Variants in RAB11FIP2 observed in about 807,000 individuals in gnomAD.
RAB11FIP2 encodes RAB11 family interacting protein 2.
RAB11FIP2 carries 16 observed loss-of-function variants against 40.9 expected under a neutral mutation model. The ratio of observed to expected loss-of-function variants is 0.39; its 90% CI spans 0.26 to 0.59. RAB11FIP2 has a LOEUF of 0.59. Among genes scored for constraint, RAB11FIP2 ranks in the 20% least tolerant of loss-of-function variants. The pLI, the probability that RAB11FIP2 is intolerant of heterozygous loss-of-function variation, is 0.53. For synonymous variants in RAB11FIP2, 228 were observed against 213.7 expected, an observed-to-expected ratio of 1.07 and a Z score of -0.58; for missense variants, 532 against 606.2, an observed-to-expected ratio of 0.88 and a Z score of 1.28.
At chr10:118,024,470 C>CGTGTGTGTGTGT (rs55723398) in intron 3 of RAB11FIP2, among the ~76,000 whole-genome samples, 2,454 of 131,746 alleles carry the variant, frequency 0.019, 57 homozygotes, top group South Asian at 0.029. Context: ...TCATCATCAT[C>CGTGTGTGTGTGT]GTGTGTGTGT....
At chr10:118,021,879 G>A (rs546932568) in intron 3 of RAB11FIP2, among the ~76,000 whole-genome samples, 7 of 152,206 alleles carry the variant, frequency 4.6e-5, no homozygotes, top group East Asian at 1.9e-4. Context: ...GGCCTTTTCC[G>A]CTCTACCTCG....
intron 1 of RAB11FIP2, chr10:118,045,577 A>G (rs1589650368): frequency 2.2e-6 from 1 of 459,834 alleles, no homozygotes; most frequent in East Asian, 3.8e-5. Context: ...AAAATATTCA[A>G]TTATTTGACA....
intron 4 of RAB11FIP2, among the ~76,000 whole-genome samples, chr10:118,009,439 C>G (rs2133159856): frequency 6.6e-6 from 1 of 152,210 alleles, no homozygotes; most frequent in Admixed American, 6.5e-5. Flanking sequence ...ACTCTAAATC[C>G]TAAAACCCTT....
Position 118,040,254 on chromosome 10 carries a change from A to G in RAB11FIP2, c.665T>C (p.Leu222Pro). 1 of 1,613,872 alleles carries G rather than the reference A, an allele frequency of 6.2e-7. No individual in the cohort carries two copies. The highest frequency in any genetic ancestry group is 8.5e-7 in the Non-Finnish European group (1 of 1,179,816). ...ATCAGACATTGAATGCGCTGACGAG[A>G]GTCGCTGAGGACCCAAGAGAAAAGG... ...KKPFLLGPQR[L>P]SSAHSMSDLS... is the part of the protein sequence containing the mutation. Residue 222 changes from leucine to proline, a missense_variant, in exon 2 of 5, where the codon CTC becomes CCC. Transcript: ENST00000355624.
Position 118,040,556 on chromosome 10 carries a change from T to A in RAB11FIP2, c.363A>T (p.Arg121Ser). ...DKQRRKTEWFRLESKQGKRIK... is the reference protein window; with the variant it reads ...DKQRRKTEWFSLESKQGKRIK... ...TTCGTTTTCCTTGTTTGGATTCTAATCTAAACCACCTTAAAGAGAAGAAAA... is the reference window on the plus strand; with the variant it reads ...TTCGTTTTCCTTGTTTGGATTCTAAACTAAACCACCTTAAAGAGAAGAAAA... The change falls in exon 2 of 5, where the codon AGA (arginine) becomes AGT (serine). Residue 121 changes from arginine to serine, a missense_variant. By Grantham distance (110) the Arg-to-Ser change is moderately radical. Coordinates refer to ENST00000355624, the MANE Select transcript of RAB11FIP2 (RefSeq NM_014904.3). The A allele has an allele frequency of 6.2e-7, 1 of 1,601,894 alleles. No individual in the cohort carries two copies. The highest frequency in any genetic ancestry group is 1.1e-5 in the South Asian group (1 of 89,126).
chr10:118,033,863 T>C, intron 3 of RAB11FIP2: 3 of 658,500 alleles, frequency 4.6e-6, no homozygotes, highest in South Asian at 1.6e-5. Context: ...AATAAATATA[T>C]ATATAAATCT....
chr10:118,040,683 T>C, intron 1 of RAB11FIP2, 118 bp from the exon 2 acceptor site: 1 of 682,028 alleles, frequency 1.5e-6, no homozygotes, highest in South Asian at 2.2e-5. Context: ...ACCTAAGCTC[T>C]GAATAAGAAT....
chr10:118,012,766 T>G (rs1266279953), intron 4 of RAB11FIP2, among the ~76,000 whole-genome samples: 1 of 151,962 alleles, frequency 6.6e-6, no homozygotes, highest in Non-Finnish European at 1.5e-5. Context: ...TACTCCAAAG[T>G]GCTCAATATT....
chr10:118,027,637 A>G (rs1475073849), intron 3 of RAB11FIP2, among the ~76,000 whole-genome samples: 1 of 152,156 alleles, frequency 6.6e-6, no homozygotes, highest in Non-Finnish European at 1.5e-5. Context: ...GCTCCTTGGT[A>G]GCCTAAAGCA....
chr10:118,024,066 G>T (rs759157093), intron 3 of RAB11FIP2, among the ~76,000 whole-genome samples: 2 of 150,774 alleles, frequency 1.3e-5, no homozygotes, highest in African/African-American at 4.9e-5. Flanking sequence ...CTCCAGCCTG[G>T]GCAACAGAGT....
chr10:118,045,269 C>G (rs1299271167), intron 1 of RAB11FIP2: 1 of 150,094 alleles, frequency 6.7e-6, no homozygotes, highest in South Asian at 2.1e-4. Context: ...TTTTTTTTTT[C>G]TAACAGGTAT....
At position 118,046,329 on chromosome 10, in the gene RAB11FIP2, A is replaced by G; in HGVS notation, c.-166T>C. 6.2e-6 allele frequency: 4 copies of G among 640,726 alleles called. No individual in the cohort carries two copies. Among genetic ancestry groups the G allele is most frequent in the Non-Finnish European group, 8.1e-6 (3 of 372,568 alleles). 39.7% of individuals were successfully genotyped at this position (640,726 alleles called of 1,614,324 possible). ...TGATGTCAAAACGCCTCGCGGGGGC[A>G]GCCCAGGGGCACGGCCGCTCCGGGG... is the stretch of plus-strand genomic sequence containing the variant. On this transcript the variant is annotated 5_prime_UTR_variant, in exon 1 of 5. Transcript: ENST00000355624.
chr10:118,037,429 G>A (rs1184204828), intron 3 of RAB11FIP2, among the ~76,000 whole-genome samples: 1 of 152,052 alleles, frequency 6.6e-6, no homozygotes, highest in East Asian at 1.9e-4. Flanking sequence ...AGAGGTGAGA[G>A]GGCACAGCCT....
intron 1 of RAB11FIP2, among the ~76,000 whole-genome samples, chr10:118,042,416 G>C (rs1846572153): frequency 6.6e-6 from 1 of 152,096 alleles, no homozygotes; most frequent in Admixed American, 6.6e-5. Context: ...CCCAATGTCA[G>C]ATTAAAGTCA....
intron 3 of RAB11FIP2, among the ~76,000 whole-genome samples, chr10:118,031,472 C>T (rs1391029321): frequency 2.6e-5 from 4 of 152,052 alleles, no homozygotes; most frequent in African/African-American, 9.7e-5. Flanking sequence ...TTTAAATATA[C>T]ATTCCAGGTA....
Position 118,040,520 on chromosome 10 carries a change from CCT to C in RAB11FIP2, c.397_398del (p.Arg133GlyfsTer2), listed in dbSNP as rs1226330759. 9.3e-6 allele frequency: 15 copies of C among 1,610,674 alleles called. No individual in the cohort carries two copies. Among genetic ancestry groups the C allele is most frequent in the Admixed American group, 1.7e-5 (1 of 59,404 alleles). On this transcript the variant is annotated frameshift_variant, in exon 2 of 5. Transcript: ENST00000355624. LOFTEE classifies it high-confidence loss of function. ...ACTGAATATTGACCTTTATCTCACCCCTGTTTTTGATTCGTTTTCCTTGTTTG... is the reference window on the plus strand; with the variant it reads ...ACTGAATATTGACCTTTATCTCACCCGTTTTTGATTCGTTTTCCTTGTTTG... ...ESKQGKRIKNRGEIKVNIQFM... is the reference protein window; with the variant it reads ...ESKQGKRIKNXGEIKVNIQFM...
chr10:118,030,557 G>C, intron 3 of RAB11FIP2, among the ~76,000 whole-genome samples: 1 of 152,040 alleles, frequency 6.6e-6, no homozygotes, highest in East Asian at 1.9e-4. Flanking sequence ...TAAAATTAAA[G>C]ATGCTTTTCT....
intron 4 of RAB11FIP2, among the ~76,000 whole-genome samples, chr10:118,011,391 G>GCGCACACACA (rs144517584): frequency 6.7e-6 from 1 of 149,852 alleles, no homozygotes; most frequent in African/African-American, 2.4e-5. Flanking sequence ...ACACACATGC[G>GCGCACACACA]CACACACACA....
At chr10:118,038,840 A>C in intron 3 of RAB11FIP2, 132 bp downstream of exon 3, 1 of 698,656 alleles carries the variant, frequency 1.4e-6, no homozygotes, top group Non-Finnish European at 2.2e-6. Flanking sequence ...CTATAATTTA[A>C]TTATACAAAT....
Sources: gnomAD v4.1 joint callset for allele counts (sites outside exome capture counted in the v4.1 genomes callset) on GRCh38, gnomAD v4.1.1 for gene constraint, MANE v1.5 for transcripts, NCBI Gene and HGNC (gene_info 2026-07-23, HGNC 2026-07-21) for gene names.